Variants in INO80 observed in about 807,000 individuals in gnomAD.
INO80 encodes the protein chromatin-remodeling ATPase INO80.
INO80 carries 20 observed loss-of-function variants against 203.4 expected under a neutral mutation model. The observed-to-expected ratio is 0.10, with a 90% CI of 0.07 to 0.14. The LOEUF (loss-of-function observed/expected upper bound fraction) is 0.14. INO80 is among the 10% of genes least tolerant of loss of function. INO80 has a pLI of 1.00. For missense variants in INO80, 1,419 were observed against 1,914.4 expected (o/e 0.74, Z 4.83); for synonymous variants, 726 against 685.2 (o/e 1.06, Z -0.93).
intron 25 of INO80, among the ~76,000 whole-genome samples, chr15:41,025,009 CG>C (rs2044354785): frequency 6.6e-6 from 1 of 152,124 alleles, no homozygotes; most frequent in South Asian, 2.1e-4. Context: ...CTAATAATCA[CG>C]GTGTAATTAC....
chr15:41,070,950 C>T (rs527499977), intron 12 of INO80, among the ~76,000 whole-genome samples: 2 of 152,352 alleles, frequency 1.3e-5, no homozygotes, highest in East Asian at 3.9e-4. Flanking sequence ...AGGCATATCG[C>T]ATGAGCCCAG....
intron 15 of INO80, 39 bp downstream of exon 15, chr15:41,059,828 T>C (rs773388601): frequency 7.5e-7 from 1 of 1,331,940 alleles, no homozygotes; most frequent in Non-Finnish European, 1.1e-6. Flanking sequence ...AATGACTGCA[T>C]GTACGGTACG....
chr15:41,052,304 T>C (rs1009918753), intron 19 of INO80, among the ~76,000 whole-genome samples: 2 of 151,980 alleles, frequency 1.3e-5, no homozygotes, highest in African/African-American at 2.4e-5. Flanking sequence ...AAACTACCCA[T>C]CAAGATTTTG....
chr15:41,091,431 T>C (rs368672204), intron 5 of INO80, among the ~76,000 whole-genome samples: 1 of 152,178 alleles, frequency 6.6e-6, no homozygotes, highest in East Asian at 1.9e-4. Flanking sequence ...CGGGTAAACA[T>C]GTGCCATGTG....
intron 14 of INO80, among the ~76,000 whole-genome samples, chr15:41,063,798 A>AAT (rs950083709): frequency 5.3e-5 from 8 of 152,188 alleles, no homozygotes; most frequent in Admixed American, 4.6e-4. Flanking sequence ...AATGATGTAA[A>AAT]ATGATTACAA....
intron 16 of INO80, 43 bp from the exon 17 acceptor site, chr15:41,056,749 T>C (rs545781817): frequency 1.3e-6 from 2 of 1,551,454 alleles, no homozygotes; most frequent in African/African-American, 2.7e-5. Flanking sequence ...AGCAATAAAT[T>C]GTTCTTTAAT....
intron 1 of INO80, among the ~76,000 whole-genome samples, chr15:41,108,288 C>A (rs573998959): frequency 2.6e-5 from 4 of 151,338 alleles, no homozygotes; most frequent in African/African-American, 4.9e-5. Flanking sequence ...TGAGCTGAAT[C>A]CATTGAAAAG....
intron 29 of INO80, among the ~76,000 whole-genome samples, chr15:40,991,280 T>A (rs1310578350): frequency 1.3e-5 from 2 of 152,174 alleles, no homozygotes; most frequent in East Asian, 3.9e-4. Flanking sequence ...AAAAATAGGA[T>A]TGTTTAGAAA....
At chr15:41,048,563 C>T (rs1013378257) in intron 21 of INO80, among the ~76,000 whole-genome samples, 2 of 152,136 alleles carry the variant, frequency 1.3e-5, no homozygotes, top group Non-Finnish European at 2.9e-5. Flanking sequence ...AAACAAAAGG[C>T]AATACAGCTC....
At chr15:40,998,958 C>T (rs2043919147) in intron 28 of INO80, among the ~76,000 whole-genome samples, 1 of 144,428 alleles carries the variant, frequency 6.9e-6, no homozygotes, top group Non-Finnish European at 1.5e-5. Context: ...CCCGGCAGAA[C>T]AGGCTTTTGA....
intron 9 of INO80, among the ~76,000 whole-genome samples, chr15:41,077,204 G>C (rs1195735933): frequency 7.2e-6 from 1 of 138,828 alleles, no homozygotes; most frequent in Non-Finnish European, 1.5e-5. Flanking sequence ...ACCGCGCCCA[G>C]CCTTGTTTGC....
rs144525976 is a variant in INO80, at chr15:41,034,191, G to C, written c.2908-6455C>G. ...ATCCTGAAGCTAATAATACAAGAAT[G>C]GTACTTCTTTGGATTCTGTAACAAA... On this transcript the variant is annotated intron_variant, in intron 24 of 35. Transcript: ENST00000648947. 3.9e-5 allele frequency among the ~76,000 whole-genome samples: 6 copies of C among 152,262 alleles called. No individual in the cohort carries two copies. The East Asian group carries it at 1.2e-3, about 29-fold the overall frequency.
intron 11 of INO80, 32 bp downstream of exon 11, chr15:41,073,396 A>C: frequency 1.3e-6 from 2 of 1,587,260 alleles, no homozygotes; most frequent in Non-Finnish European, 1.7e-6. Context: ...TCCAGGGCCA[A>C]TTACAGTAAA....
At chr15:41,094,815 C>G (rs1200430831) in intron 4 of INO80, among the ~76,000 whole-genome samples, 3 of 152,094 alleles carry the variant, frequency 2.0e-5, no homozygotes, top group Non-Finnish European at 4.4e-5. Context: ...GTTTTGAGCA[C>G]CAATAAGATG....
chr15:41,021,784 C>A (rs2044298879), intron 25 of INO80, among the ~76,000 whole-genome samples: 1 of 152,198 alleles, frequency 6.6e-6, no homozygotes, highest in Non-Finnish European at 1.5e-5. Context: ...AGGCTATACA[C>A]AAATTCTTAT....
intron 1 of INO80, among the ~76,000 whole-genome samples, chr15:41,105,282 T>TG (rs1013864725): frequency 2.6e-5 from 4 of 152,188 alleles, no homozygotes; most frequent in African/African-American, 7.2e-5. Context: ...GCTTGGGGGT[T>TG]GGGGGGGCAC....
At chr15:40,982,368 C>T (rs984468874) in intron 35 of INO80, among the ~76,000 whole-genome samples, 1 of 152,114 alleles carries the variant, frequency 6.6e-6, no homozygotes, top group African/African-American at 2.4e-5. Context: ...AGGCTGGTCT[C>T]GAACTCCTGG....
intron 27 of INO80, among the ~76,000 whole-genome samples, chr15:41,011,286 C>T (rs939449198): frequency 9.2e-5 from 14 of 152,218 alleles, no homozygotes; most frequent in Admixed American, 3.9e-4. Context: ...ATAAACATAT[C>T]CTTCTTGCTA....
chr15:40,991,277 GGATT>G (rs1382555566), intron 29 of INO80, among the ~76,000 whole-genome samples: 24 of 152,260 alleles, frequency 1.6e-4, no homozygotes, highest in Admixed American at 9.2e-4. Context: ...GAAAAAAATA[GGATT>G]GTTTAGAAAA....
Sources: allele counts gnomAD v4.1 joint callset (sites outside exome capture counted in the v4.1 genomes callset), GRCh38; gene constraint gnomAD v4.1.1; transcripts MANE v1.5; gene names NCBI Gene and HGNC (gene_info 2026-07-23, HGNC 2026-07-21).